DPP8: variants seen among roughly 807,000 people sequenced by gnomAD.
DPP8 encodes dipeptidyl peptidase 8.
A neutral mutation model predicts 107.5 loss-of-function variants in DPP8; 31 were observed. That is an observed-to-expected ratio of 0.29 (90% confidence interval 0.22 to 0.39). The LOEUF (loss-of-function observed/expected upper bound fraction) is 0.39. Among genes scored for constraint, DPP8 ranks in the 10% least tolerant of loss-of-function variants. The probability of loss-of-function intolerance (pLI) is 1.00; values close to 1 mark genes in which losing one functional copy is unlikely to be tolerated. For missense variants in DPP8, 842 were observed against 1,076.1 expected (o/e 0.78, Z 3.04); for synonymous variants, 381 against 356.6 (o/e 1.07, Z -0.77).
intron 19 of DPP8, among the ~76,000 whole-genome samples, chr15:65,447,795 T>C (rs986082999): frequency 6.6e-6 from 1 of 152,218 alleles, no homozygotes; most frequent in Non-Finnish European, 1.5e-5. Context: ...TTGCCAATGA[T>C]AAAATCTGGG....
chr15:65,468,742 T>C (rs1271270576), intron 12 of DPP8, among the ~76,000 whole-genome samples: 1 of 152,164 alleles, frequency 6.6e-6, no homozygotes, highest in African/African-American at 2.4e-5. Context: ...TGTTAATCTT[T>C]GCAAAAGATC....
intron 5 of DPP8, among the ~76,000 whole-genome samples, chr15:65,496,653 GATA>G (rs2140957421): frequency 1.3e-5 from 2 of 152,078 alleles, no homozygotes; most frequent in South Asian, 4.2e-4. Flanking sequence ...AAAACTGAAA[GATA>G]ATTTTTTTTT....
intron 11 of DPP8, among the ~76,000 whole-genome samples, chr15:65,476,074 T>C (rs1483938427): frequency 1.3e-5 from 2 of 152,188 alleles, no homozygotes; most frequent in African/African-American, 4.8e-5. Context: ...TATGAGCTTC[T>C]GTCTTGATGA....
Position 65,497,747 on chromosome 15 carries a change from C to T in DPP8, c.715+117G>A, listed in dbSNP as rs1213927014. 3 of 795,920 alleles carry T rather than the reference C, an allele frequency of 3.8e-6. No individual in the cohort carries two copies. The African/African-American group carries it at 5.2e-5, about 14-fold the overall frequency. The allele number at this position is 795,920 out of a possible 1,614,324, so 49.3% of individuals were successfully genotyped here. A position where few individuals can be genotyped will look rare whatever the true frequency, so the allele number is the denominator to read the frequency against. ...CTCCATTTTTTAAAAATTTTAAAGA[C>T]TTGAATTTCAAATATAAAGATCACC... On this transcript the variant is annotated intron_variant, in intron 5 of 19. Transcript: ENST00000300141.
intron 6 of DPP8, among the ~76,000 whole-genome samples, chr15:65,489,953 G>A (rs1000754298): frequency 2.0e-5 from 3 of 149,986 alleles, no homozygotes; most frequent in South Asian, 2.1e-4. Context: ...TCCTGACCTC[G>A]GGTGATCCGC....
At chr15:65,466,540 C>T in intron 14 of DPP8, 138 bp downstream of exon 14, 1 of 735,720 alleles carries the variant, frequency 1.4e-6, no homozygotes, top group Admixed American at 2.4e-5. Context: ...AGGGATCTAT[C>T]AGGAGCTCAG....
intron 15 of DPP8, among the ~76,000 whole-genome samples, chr15:65,461,267 CT>C (rs2064896883): frequency 6.6e-6 from 1 of 152,086 alleles, no homozygotes; most frequent in Non-Finnish European, 1.5e-5. Context: ...GCCTCAGCCT[CT>C]TGAGTAGATG....
In DPP8 at chr15:65,463,799, T is replaced by A. The variant is rs1409944910; in HGVS notation, c.1933A>T (p.Lys645Ter). 6.2e-7 allele frequency: 1 copy of A among 1,613,418 alleles called. No homozygotes were observed. Among genetic ancestry groups the A allele is most frequent in the East Asian group, 2.2e-5 (1 of 44,868 alleles). ...YKPHDLQPGK[K>*]YPTVLFIYGG... ...TATATGAACAGCACAGTAGGATATTTCTTTCCAGGCTGTAGATCATGAGGC... is the reference window on the plus strand; with the variant it reads ...TATATGAACAGCACAGTAGGATATTACTTTCCAGGCTGTAGATCATGAGGC... The change falls in exon 15 of 20, where the codon AAA (lysine) becomes TAA (stop). Residue 645 changes from lysine (K) to a stop codon, truncating the protein, a stop_gained. Transcript: ENST00000300141. LOFTEE classifies it high-confidence loss of function.
chr15:65,505,562 A>C (rs1349582685), intron 3 of DPP8, among the ~76,000 whole-genome samples: 1 of 152,208 alleles, frequency 6.6e-6, no homozygotes, highest in Non-Finnish European at 1.5e-5. Context: ...ATTTCAGTTA[A>C]AGACACTGGT....
intron 2 of DPP8, among the ~76,000 whole-genome samples, chr15:65,510,720 G>A (rs963718926): frequency 6.6e-6 from 1 of 152,126 alleles, no homozygotes; most frequent in Non-Finnish European, 1.5e-5. Context: ...TGCATTTTTA[G>A]TAGAGACGCG....
intron 17 of DPP8, among the ~76,000 whole-genome samples, chr15:65,454,020 G>T (rs979409417): frequency 2.6e-5 from 4 of 151,106 alleles, no homozygotes; most frequent in Admixed American, 1.3e-4. Flanking sequence ...AGGAGGCTGA[G>T]ATATGAGAAC....
rs369131089 is a variant in DPP8, at chr15:65,463,776, T to A, written c.1956A>T (p.Ile652=). The change falls in exon 15 of 20, where the codon ATA becomes ATT. Residue 652 remains isoleucine, a synonymous_variant. Coordinates refer to ENST00000300141, the MANE Select transcript of DPP8 (RefSeq NM_130434.5). ...PGKKYPTVLF[I]YGGPQVQLVN... is the part of the protein sequence containing the mutation. ...ATATGCCCACCTGAGGACCACCATA[T>A]ATGAACAGCACAGTAGGATATTTCT... 10 of 1,612,854 alleles carry A rather than the reference T, an allele frequency of 6.2e-6. No homozygotes were observed. In the South Asian group the frequency reaches 8.8e-5, roughly 14 times the overall value.
Position 65,445,337 on chromosome 15 carries a change from A to C in DPP8, c.*1547T>G, listed in dbSNP as rs528299972. ...TTAAAAGTATTGGTAATAACTTTCT[A>C]AACACTGAAGTGTGTGATAAAAAGC... On this transcript the variant is annotated 3_prime_UTR_variant, in exon 20 of 20. Transcript: ENST00000300141. The C allele has an allele frequency of 1.3e-5, 2 of 152,352 alleles. No individual in the cohort carries two copies. Among genetic ancestry groups the C allele is most frequent in the South Asian group, 4.1e-4 (2 of 4,824 alleles). The allele number at this position is 152,352 out of a possible 1,614,324, so 9.4% of individuals were successfully genotyped here.
intron 15 of DPP8, among the ~76,000 whole-genome samples, chr15:65,463,075 C>A (rs2065052020): frequency 6.6e-6 from 1 of 152,188 alleles, no homozygotes; most frequent in African/African-American, 2.4e-5. Context: ...ATTCACTAGG[C>A]TACCAAAGCT....
At chr15:65,512,809 A>G in intron 1 of DPP8, 1 of 468,184 alleles carries the variant, frequency 2.1e-6, no homozygotes, top group Non-Finnish European at 3.8e-6. Context: ...TCCCTTTGGT[A>G]GCTTTTATAA....
rs1430377417 is a variant in DPP8 at position 65,490,173 on chromosome 15, T to C, written c.826+16A>G. ...ACTTTAATTGACCCATAATATATTATTTTGAACCCCCTTACTTGTTTCAGC... is the reference window on the plus strand; with the variant it reads ...ACTTTAATTGACCCATAATATATTACTTTGAACCCCCTTACTTGTTTCAGC... On this transcript the variant is annotated intron_variant, in intron 6 of 19. Transcript: ENST00000300141. 2 of 1,290,030 alleles carry C rather than the reference T, an allele frequency of 1.6e-6. No individual in the cohort carries two copies. The highest frequency in any genetic ancestry group is 1.2e-5 in the South Asian group (1 of 84,348). The allele number at this position is 1,290,030 out of a possible 1,614,324, so 79.9% of individuals were successfully genotyped here.
chr15:65,488,843 CAAG>C (rs767969186), intron 6 of DPP8, among the ~76,000 whole-genome samples: 2 of 152,128 alleles, frequency 1.3e-5, no homozygotes, highest in Non-Finnish European at 2.9e-5. Flanking sequence ...GAATTTGCCA[CAAG>C]AAGGGGAGGA....
chr15:65,515,730 T>C lies in DPP8; in HGVS notation c.-12+1756A>G, dbSNP rs2071373812. The C allele has an allele frequency of 3.1e-6, 5 of 1,591,570 alleles. No homozygotes were observed. In the Admixed American group the frequency reaches 5.0e-5, roughly 16 times the overall value. ...TTTTCAAGTGACTCGACTTCAAGCA[T>C]AGAATCCCTCTGCTCATCCTGCTCT... On this transcript the variant is annotated intron_variant, in intron 1 of 19. Coordinates refer to ENST00000300141, the MANE Select transcript of DPP8 (RefSeq NM_130434.5).
At chr15:65,465,959 C>T (rs1408478622) in intron 14 of DPP8, among the ~76,000 whole-genome samples, 1 of 152,160 alleles carries the variant, frequency 6.6e-6, no homozygotes, top group Non-Finnish European at 1.5e-5. Context: ...ATAGCTATTA[C>T]AAGTGCTTCA....
Sources: allele counts gnomAD v4.1 joint callset (sites outside exome capture counted in the v4.1 genomes callset), GRCh38; gene constraint gnomAD v4.1.1; transcripts MANE v1.5; gene names NCBI Gene and HGNC (gene_info 2026-07-23, HGNC 2026-07-21).